Variants in PEAR1 observed in about 807,000 individuals in gnomAD.
The protein encoded by PEAR1 is multiple EGF-like domains protein 12.
PEAR1 carries 113 observed loss-of-function variants against 131.2 expected under a neutral mutation model. That is an observed-to-expected ratio of 0.86 (90% CI 0.74 to 1.01). The LOEUF (loss-of-function observed/expected upper bound fraction) is 1.01. Among genes scored for constraint, PEAR1 ranks in the 50% least tolerant of loss-of-function variants. PEAR1 has a pLI of 0.00. For missense variants in PEAR1, 1,408 were observed against 1,391.1 expected, an observed-to-expected ratio of 1.01 and a Z score of -0.19; for synonymous variants, 565 against 523.3, an observed-to-expected ratio of 1.08 and a Z score of -1.09.
chr1:156,912,843 T>A lies in PEAR1; in HGVS notation c.2283T>A (p.Ile761=), dbSNP rs753322672. ...ACTCGCTGGGTGCAGTGATTGGCAT[T>A]GCAGTGCTGGGGTCCCTTGTGGTAG... ...AYNSLGAVIG[I]AVLGSLVVAL... The change falls in exon 18 of 23, where the codon ATT becomes ATA. Residue 761 remains isoleucine, a synonymous_variant. Transcript: ENST00000292357. The A allele has an allele frequency of 6.2e-7, 1 of 1,614,214 alleles. No homozygotes were observed. Among genetic ancestry groups the A allele is most frequent in the South Asian group, 1.1e-5 (1 of 91,088 alleles).
intron 2 of PEAR1, 51 bp from the exon 3 acceptor site, chr1:156,904,697 C>A: frequency 1.3e-6 from 2 of 1,528,364 alleles, no homozygotes; most frequent in South Asian, 1.3e-5. Context: ...CCGTTGTGGC[C>A]GCTCAGGCCT....
At chr1:156,913,323 A>C in intron 19 of PEAR1, 41 bp downstream of exon 19, 2 of 1,599,426 alleles carry the variant, frequency 1.3e-6, no homozygotes, top group Non-Finnish European at 1.7e-6. Context: ...AGGGAAGCGC[A>C]CAGACCAGCT....
intron 1 of PEAR1, among the ~76,000 whole-genome samples, chr1:156,899,749 C>T (rs1649495799): frequency 6.6e-6 from 1 of 151,888 alleles, no homozygotes; most frequent in Non-Finnish European, 1.5e-5. Context: ...AAAGGAAGCA[C>T]TAATCTTATC....
Position 156,896,812 on chromosome 1 carries a change from C to T in PEAR1, c.-10+2975C>T, listed in dbSNP as rs569968653. Among the ~76,000 whole-genome samples, 116 of 152,312 alleles carry T rather than the reference C, an allele frequency of 7.6e-4. 1 individual carries two copies. Among genetic ancestry groups the T allele is most frequent in the African/African-American group, 2.6e-3 (107 of 41,564 alleles). ...ACTCAGGGCCTGGAGCTGTTGTGCA[C>T]TCATCCCATAGGAACTTGGAGGCCG... On this transcript the variant is annotated intron_variant, in intron 1 of 22. Transcript: ENST00000292357.
Position 156,893,755 on chromosome 1 carries a change from C to G in PEAR1, c.-92C>G, listed in dbSNP as rs922921090. 3 of 152,188 alleles carry G rather than the reference C, an allele frequency of 2.0e-5. No individual in the cohort carries two copies. The highest frequency in any genetic ancestry group is 4.4e-5 in the Non-Finnish European group (3 of 68,110). The allele number at this position is 152,188 out of a possible 1,614,324, so 9.4% of individuals were successfully genotyped here. A position where few individuals can be genotyped will look rare whatever the true frequency, so the allele number is the denominator to read the frequency against. On this transcript the variant is annotated 5_prime_UTR_variant, in exon 1 of 23. Transcript: ENST00000292357. The stretch of plus-strand genomic sequence containing the variant: ...GGGCTCGAAGTGGGGACCCTCGCCC[C>G]GTCCTCGGCTGTCCAGTCCTCCTCC...
At chr1:156,905,214 C>A (rs1194034267) in intron 3 of PEAR1, 110 bp from the exon 4 acceptor site, 2 of 1,221,416 alleles carry the variant, frequency 1.6e-6, no homozygotes, top group Admixed American at 2.0e-5. Context: ...TTTCTATGCG[C>A]CCTCAGCCCA....
At position 156,913,291 on chromosome 1, in the gene PEAR1, C is replaced by CGG. The variant is rs1651469926; in HGVS notation, c.2511+13_2511+14dup. 1 of 1,601,936 alleles carries CGG rather than the reference C, an allele frequency of 6.2e-7. No homozygotes were observed. The highest frequency in any genetic ancestry group is 8.5e-7 in the Non-Finnish European group (1 of 1,173,574). ...CCCCACCCCCTAACAAGGTCAGTGC[C>CGG]GGGGGAGGGGGTGCACTGTGGAGGG... On this transcript the variant is annotated intron_variant, in intron 19 of 22. Transcript: ENST00000292357.
intron 1 of PEAR1, among the ~76,000 whole-genome samples, chr1:156,903,442 A>G (rs1649886870): frequency 1.3e-5 from 2 of 152,138 alleles, no homozygotes; most frequent in South Asian, 4.1e-4. Context: ...ACACCTTGGT[A>G]CAAATATCAA....
intron 7 of PEAR1, 43 bp downstream of exon 7, chr1:156,907,773 G>A: frequency 6.3e-7 from 1 of 1,582,254 alleles, no homozygotes; most frequent in African/African-American, 1.4e-5. Flanking sequence ...TGGGTCTGGG[G>A]AGAATTCTGT....
chr1:156,905,005 G>A, intron 3 of PEAR1, 153 bp downstream of exon 3: 1 of 1,547,360 alleles, frequency 6.5e-7, no homozygotes, highest in Non-Finnish European at 8.7e-7. Context: ...TCGGGTACGT[G>A]TGTATGGGAT....
At position 156,903,364 on chromosome 1, in the gene PEAR1, G is replaced by A. The variant is rs544609209; in HGVS notation, c.-9-554G>A. The stretch of plus-strand genomic sequence containing the variant: ...TATTCCTGAGCCGCTCTGACTGTTG[G>A]AAAGTTCTTCCTCTGACTGAGCCCA... On this transcript the variant is annotated intron_variant, in intron 1 of 22. Transcript: ENST00000292357. 1.4e-4 allele frequency among the ~76,000 whole-genome samples: 22 copies of A among 152,294 alleles called. 1 individual carries two copies. The South Asian group carries it at 2.7e-3, about 19-fold the overall frequency.
rs2101553405 is a variant in PEAR1, at chr1:156,913,889, T to C, written c.2751T>C (p.Ala917=). The C allele has an allele frequency of 6.2e-7, 1 of 1,613,898 alleles. No homozygotes were observed. Among genetic ancestry groups the C allele is most frequent in the South Asian group, 1.1e-5 (1 of 91,058 alleles). ...ISEEELGASV[A]SLSSENPYAT... is the part of the protein sequence containing the mutation. The stretch of plus-strand genomic sequence containing the variant: ...AAGAGGAGCTCGGGGCCAGTGTGGC[T>C]TCCCTGAGCAGTGAGAACCCATATG... The change falls in exon 22 of 23, where the codon GCT becomes GCC. Residue 917 remains alanine, a synonymous_variant. Transcript: ENST00000292357.
rs968877010 is a variant in PEAR1 at position 156,912,795 on chromosome 1, G to A, written c.2235G>A (p.Met745Ile). The stretch of plus-strand genomic sequence containing the variant: ...GAATCCAGGAGCCCTTTACTGTGAT[G>A]CCGACCACTCCAGTAGCGTATAACT... The part of the protein sequence containing the change: ...RIGIQEPFTV[M>I]PTTPVAYNSL... The change falls in exon 18 of 23, where the codon ATG (methionine) becomes ATA (isoleucine). Residue 745 changes from methionine to isoleucine, a missense_variant. Met to Ile is a conservative substitution (Grantham distance 10). Transcript: ENST00000292357. The A allele has an allele frequency of 6.2e-7, 1 of 1,614,232 alleles. No individual in the cohort carries two copies. Among genetic ancestry groups the A allele is most frequent in the African/African-American group, 1.3e-5 (1 of 75,068 alleles).
Position 156,914,911 on chromosome 1 carries a change from A to T in PEAR1, c.*113A>T. ...CAGGGAGTGGACCGGCAGGCTGTGA[A>T]CATGAACAACGCTTAACAGAGCAAG... On this transcript the variant is annotated 3_prime_UTR_variant, in exon 23 of 23. Transcript: ENST00000292357. 1 of 1,220,722 alleles carries T rather than the reference A, an allele frequency of 8.2e-7. No individual in the cohort carries two copies. The allele number at this position is 1,220,722 out of a possible 1,614,324, so 75.6% of individuals were successfully genotyped here.
At chr1:156,909,669 T>A in intron 11 of PEAR1, 82 bp from the exon 12 acceptor site, 16 of 1,397,290 alleles carry the variant, frequency 1.1e-5, no homozygotes, top group Non-Finnish European at 1.6e-5. Flanking sequence ...TAGCATAGAA[T>A]CTGGCCCAGC....
chr1:156,913,983 C>G lies in PEAR1; in HGVS notation c.2845C>G (p.Pro949Ala). The G allele has an allele frequency of 6.2e-7, 1 of 1,613,734 alleles. No individual in the cohort carries two copies. Among genetic ancestry groups the G allele is most frequent in the Non-Finnish European group, 8.5e-7 (1 of 1,179,886 alleles). The change falls in exon 22 of 23, where the codon CCT becomes GCT. Residue 949 changes from proline (P) to alanine (A), a missense_variant. By Grantham distance (27) the Pro-to-Ala change is conservative. Coordinates refer to ENST00000292357, the MANE Select transcript of PEAR1 (RefSeq NM_001080471.3). ...RESSYMEMKG[P>A]PSGSPPRQPP... ...GAGCAGCTACATGGAGATGAAAGGC[C>G]CTCCCTCAGGATCTCCCCCCAGGCA...
At chr1:156,910,175 A>G in intron 13 of PEAR1, 59 bp from the exon 14 acceptor site, 1 of 1,613,276 alleles carries the variant, frequency 6.2e-7, no homozygotes, top group Non-Finnish European at 8.5e-7. Context: ...TGTGTCCAGA[A>G]GAGCCCCCTG....
chr1:156,909,487 C>T (rs1035032591), intron 11 of PEAR1, among the ~76,000 whole-genome samples: 3 of 152,296 alleles, frequency 2.0e-5, no homozygotes, highest in Middle Eastern at 3.4e-3. Flanking sequence ...CTGATGGGGC[C>T]CCTGTAAACA....
chr1:156,910,789 G>A (rs972116270), intron 15 of PEAR1, 46 bp downstream of exon 15: 12 of 1,608,032 alleles, frequency 7.5e-6, no homozygotes, highest in African/African-American at 1.3e-5. Flanking sequence ...TGCTGAGAGG[G>A]GGTGCTGAGG....
Sources: allele counts gnomAD v4.1 joint callset (sites outside exome capture counted in the v4.1 genomes callset), GRCh38; gene constraint gnomAD v4.1.1; transcripts MANE v1.5; gene names NCBI Gene and HGNC (gene_info 2026-07-23, HGNC 2026-07-21).